Variants in PRSS53 observed in about 807,000 individuals in gnomAD.
PRSS53 encodes the protein serine protease 53, also known as EDTP308.
Under a neutral mutation model 62.7 loss-of-function variants are expected in PRSS53, and 54 were observed. The observed-to-expected ratio is 0.86, with a 90% CI of 0.69 to 1.08. The LOEUF (loss-of-function observed/expected upper bound fraction) is 1.08, where lower values mean the gene tolerates loss of function less well. Among genes scored for constraint, PRSS53 ranks in the 50% least tolerant of loss-of-function variants. The probability of loss-of-function intolerance (pLI) is 0.00; values close to 1 mark genes in which losing one functional copy is unlikely to be tolerated. For missense variants in PRSS53, 688 were observed against 728.3 expected, an observed-to-expected ratio of 0.94 and a Z score of 0.64; for synonymous variants, 273 against 300.0, an observed-to-expected ratio of 0.91 and a Z score of 0.93.
rs1282001953 is a variant in PRSS53, at chr16:31,088,887, C to T, written c.-78G>A. The T allele has an allele frequency of 1.9e-5, 31 of 1,590,036 alleles. No individual in the cohort carries two copies. In the South Asian group the frequency reaches 2.7e-4, roughly 14 times the overall value. On this transcript the variant is annotated 5_prime_UTR_variant, in exon 1 of 11. Coordinates refer to ENST00000280606, the Ensembl canonical transcript of PRSS53. ...GGTCTCCCTGGCTCCACCTCTGCTC[C>T]ACCTCCAGTTGGCTAGGATTCAGCT...
exon 11 of PRSS53, chr16:31,083,692 G>A: frequency 6.2e-7 from 1 of 1,603,984 alleles, no homozygotes. Flanking sequence ...GGCCTGCCCT[G>A]GTGCCTGGAA....
intron 8 of PRSS53, 21 bp from the exon 9 acceptor site, chr16:31,084,724 G>A (rs2057211256): frequency 6.2e-7 from 1 of 1,604,100 alleles, no homozygotes; most frequent in Admixed American, 1.7e-5. Flanking sequence ...AGGGAAAGCT[G>A]GCTGCCCCGG....
Position 31,085,068 on chromosome 16 carries a change from G to A in PRSS53, c.1034+42C>T, listed in dbSNP as rs201947413. On this transcript the variant is annotated intron_variant, in intron 7 of 10. Transcript: ENST00000280606. ...GACGGCACCAGGTGACAGGGCTGCC[G>A]GCAGGGGCAGGGGGCACAGCAGAGA... is the stretch of plus-strand genomic sequence containing the variant. The A allele has an allele frequency of 3.5e-4, 560 of 1,611,786 alleles. No homozygotes were observed. In the African/African-American group the frequency reaches 4.6e-3, roughly 13 times the overall value.
Position 31,083,820 on chromosome 16 carries a change from G to C in PRSS53, c.1643-11C>G, listed in dbSNP as rs1417719764. 1.2e-6 allele frequency: 2 copies of C among 1,614,030 alleles called. No individual in the cohort carries two copies. The highest frequency in any genetic ancestry group is 3.3e-5 in the Admixed American group (2 of 60,020). On this transcript the variant is annotated splice_polypyrimidine_tract_variant and intron_variant, in intron 10 of 10. Transcript: ENST00000280606. ...AGCTGGTTGGTTGGCCTGTGGGGAAGGAAGGAGGGTGGAGTTGTCCTCATC... is the reference window on the plus strand; with the variant it reads ...AGCTGGTTGGTTGGCCTGTGGGGAACGAAGGAGGGTGGAGTTGTCCTCATC...
intron 1 of PRSS53, chr16:31,088,438 G>A: frequency 7.9e-7 from 1 of 1,258,004 alleles, no homozygotes; most frequent in South Asian, 2.0e-5. Context: ...GAGGCCAGAG[G>A]AGCCCAGAGT....
At chr16:31,088,615 T>A in intron 1 of PRSS53, 137 bp downstream of exon 1, 4 of 1,498,406 alleles carry the variant, frequency 2.7e-6, no homozygotes, top group Non-Finnish European at 3.6e-6. Flanking sequence ...CCCCACAGAG[T>A]CCTACGGAGT....
intron 3 of PRSS53, chr16:31,087,121 G>T: frequency 1.8e-6 from 1 of 547,002 alleles, no homozygotes; most frequent in South Asian, 2.6e-5. Context: ...CCTCAGCCTC[G>T]TGAGTAGCTG....
chr16:31,084,405 G>T, intron 9 of PRSS53, 70 bp from the exon 10 acceptor site: 1 of 1,521,322 alleles, frequency 6.6e-7, no homozygotes. Context: ...GCAGGCTAGG[G>T]AACCTCTGGC....
Position 31,083,830 on chromosome 16 carries a change from T to C in PRSS53, c.1643-21A>G, listed in dbSNP as rs776807301. 5.6e-6 allele frequency: 9 copies of C among 1,613,772 alleles called. No individual in the cohort carries two copies. The Admixed American group carries it at 1.3e-4, about 24-fold the overall frequency. On this transcript the variant is annotated intron_variant, in intron 10 of 10. Coordinates refer to ENST00000280606, the Ensembl canonical transcript of PRSS53. ...TTGGCCTGTGGGGAAGGAAGGAGGG[T>C]GGAGTTGTCCTCATCCTCACGGCTT...
intron 1 of PRSS53, chr16:31,088,526 A>C: frequency 1.4e-6 from 2 of 1,419,642 alleles, no homozygotes; most frequent in East Asian, 5.1e-5. Flanking sequence ...CACACACAAG[A>C]CCACAGGCCC....
intron 2 of PRSS53, 36 bp from the exon 3 acceptor site, chr16:31,087,735 C>T (rs775611331): frequency 6.2e-7 from 1 of 1,614,120 alleles, no homozygotes; most frequent in Non-Finnish European, 8.5e-7. Context: ...ACAGCAGATA[C>T]CTGTCCTGAC....
At position 31,084,350 on chromosome 16, in the gene PRSS53, G is replaced by T; in HGVS notation, c.1426-15C>A. On this transcript the variant is annotated splice_polypyrimidine_tract_variant and intron_variant, in intron 9 of 10. Transcript: ENST00000280606. ...CCAGACAGGCCCTGTCAGGGGTCAG[G>T]TGACACTGGGTGACTTTTTATAGGC... 1 of 1,601,838 alleles carries T rather than the reference G, an allele frequency of 6.2e-7. No individual in the cohort carries two copies. The highest frequency in any genetic ancestry group is 8.5e-7 in the Non-Finnish European group (1 of 1,175,108).
At chr16:31,085,569 C>G (rs143505978) in intron 6 of PRSS53, among the ~76,000 whole-genome samples, 10 of 152,178 alleles carry the variant, frequency 6.6e-5, no homozygotes, top group Non-Finnish European at 1.2e-4. Flanking sequence ...GCCTGCCTCC[C>G]GTATTCCTGA....
In PRSS53 at chr16:31,083,807, G is replaced by A; in HGVS notation, c.1645C>T (p.Gln549Ter). 2 of 1,614,058 alleles carry A rather than the reference G, an allele frequency of 1.2e-6. No individual in the cohort carries two copies. The highest frequency in any genetic ancestry group is 1.7e-6 in the Non-Finnish European group (2 of 1,179,914). Residue 549 changes from glutamine to a stop codon, truncating the protein, a stop_gained and splice_region_variant, in exon 11 of 11, where the codon CAA becomes TAA. Coordinates refer to ENST00000280606, the Ensembl canonical transcript of PRSS53. LOFTEE classifies it high-confidence loss of function. Reference sequence around the variant, plus strand: ...GTCCCCTGTCAGCAGCTGGTTGGTTGGCCTGTGGGGAAGGAAGGAGGGTGG... The same window carrying A: ...GTCCCCTGTCAGCAGCTGGTTGGTTAGCCTGTGGGGAAGGAAGGAGGGTGG...
Position 31,084,916 on chromosome 16 carries a change from G to A in PRSS53, c.1143C>T (p.Tyr381=), listed in dbSNP as rs568817652. ...GGGCCAGCAGCAGGAGGGCCATGTC[G>A]TAGCCCCCCTCAGGGTGGGTGTAGG... The change falls in exon 8 of 11, where the codon TAC becomes TAT. Residue 381 remains tyrosine (Y), a synonymous_variant. Transcript: ENST00000280606. The A allele has an allele frequency of 2.0e-5, 31 of 1,542,482 alleles. No individual in the cohort carries two copies. In the African/African-American group the frequency reaches 2.7e-4, roughly 14 times the overall value.
chr16:31,086,073 C>A, exon 6 of PRSS53: 1 of 1,613,910 alleles, frequency 6.2e-7, no homozygotes, highest in South Asian at 1.1e-5. Flanking sequence ...CTGTGTTGGT[C>A]AGCAGCACAG....
chr16:31,085,302 T>G, intron 6 of PRSS53, 42 bp from the exon 7 acceptor site: 1 of 1,487,632 alleles, frequency 6.7e-7, no homozygotes, highest in Non-Finnish European at 8.9e-7. Context: ...TGCTAAGCAC[T>G]TCCCACTTCC....
At chr16:31,086,248 T>C in intron 5 of PRSS53, 65 bp from the exon 6 acceptor site, 2 of 1,588,424 alleles carry the variant, frequency 1.3e-6, no homozygotes, top group Non-Finnish European at 1.7e-6. Flanking sequence ...ACCCTCTGAT[T>C]GCAGGTCTTT....
chr16:31,084,928 A>ACGGT lies in PRSS53; in HGVS notation c.1130_1131insACCG (p.Glu378ProfsTer2), dbSNP rs2057216072. 3.9e-6 allele frequency: 6 copies of ACGGT among 1,544,936 alleles called. No individual in the cohort carries two copies. The highest frequency in any genetic ancestry group is 2.0e-5 in the Admixed American group (1 of 50,374). ...GGAGGGCCATGTCGTAGCCCCCCTC[A>ACGGT]GGGTGGGTGTAGGCTCCATGCAGGA... On this transcript the variant is annotated frameshift_variant, in exon 8 of 11. Transcript: ENST00000280606. LOFTEE classifies it high-confidence loss of function.
Sources: allele counts gnomAD v4.1 joint callset (sites outside exome capture counted in the v4.1 genomes callset), GRCh38; gene constraint gnomAD v4.1.1; transcripts MANE v1.5; gene names NCBI Gene and HGNC (gene_info 2026-07-23, HGNC 2026-07-21).